Variants in TBC1D28 observed in about 807,000 individuals in gnomAD.
The protein encoded by TBC1D28 is TBC1 domain family, member 28.
TBC1D28 carries 20 observed loss-of-function variants against 29.2 expected under a neutral mutation model. The observed-to-expected ratio is 0.68, with a 90% CI of 0.48 to 0.99. The LOEUF (loss-of-function observed/expected upper bound fraction) is 0.99. Ranked by LOEUF, TBC1D28 falls within the 50% of genes least tolerant of loss-of-function variation. TBC1D28 has a pLI of 0.00. For synonymous variants in TBC1D28, 65 were observed against 90.9 expected (o/e 0.71, Z 1.62); for missense variants, 205 against 243.7 (o/e 0.84, Z 1.06).
chr17:18,636,454 C>A (rs1275121678), exon 9 of TBC1D28: 1 of 1,612,178 alleles, frequency 6.2e-7, no homozygotes, highest in South Asian at 1.1e-5. Context: ...TGGACAAACG[C>A]TGAATTTTCA....
intron 4 of TBC1D28, among the ~76,000 whole-genome samples, chr17:18,640,433 G>A (rs912295271): frequency 1.3e-4 from 20 of 149,512 alleles, no homozygotes; most frequent in Admixed American, 6.6e-4. Context: ...CCATTACCAG[G>A]CCCAGGTCCC....
chr17:18,634,907 C>T (rs1242137556), downstream of TBC1D28: 1 of 162,694 alleles, frequency 6.1e-6, no homozygotes, highest in South Asian at 1.6e-4. Context: ...CGCCTCTGCT[C>T]GCTCACCCGC....
chr17:18,635,870 T>C, exon 9 of TBC1D28: 4 of 992,482 alleles, frequency 4.0e-6, no homozygotes, highest in Non-Finnish European at 4.8e-6. Flanking sequence ...CAAGTGTTTG[T>C]CCCAGGAGAG....
chr17:18,638,936 C>A, intron 5 of TBC1D28: 2 of 793,596 alleles, frequency 2.5e-6, no homozygotes, highest in Non-Finnish European at 4.0e-6. Flanking sequence ...CAGGTCCAGC[C>A]TTCAGCTGGG....
exon 9 of TBC1D28, chr17:18,636,271 A>G: frequency 7.3e-7 from 1 of 1,379,008 alleles, no homozygotes; most frequent in South Asian, 1.9e-5. Context: ...TGTCTCCTAC[A>G]AGGACCATCC....
intron 4 of TBC1D28, 37 bp downstream of exon 5, chr17:18,640,985 A>T (rs1383364847): frequency 1.9e-6 from 1 of 517,346 alleles, no homozygotes; most frequent in Non-Finnish European, 3.3e-6. Context: ...CCCTGAGGTG[A>T]GATTGGTGGC....
At chr17:18,640,338 T>A (rs1273940541) in intron 4 of TBC1D28, among the ~76,000 whole-genome samples, 1 of 144,410 alleles carries the variant, frequency 6.9e-6, no homozygotes, top group Non-Finnish European at 1.5e-5. Context: ...GTGGCAGGTC[T>A]CAGGGGCTCA....
rs923785412 is a variant in TBC1D28, at chr17:18,637,980, G to A, written c.388-7C>T. ...TGCCCTTCTCCTTCATGACCTGTAGGGCGGGGCCAAGAGGAGGAAGCAGCC... is the reference window on the plus strand; with the variant it reads ...TGCCCTTCTCCTTCATGACCTGTAGAGCGGGGCCAAGAGGAGGAAGCAGCC... On this transcript the variant is annotated splice_polypyrimidine_tract_variant and splice_region_variant and intron_variant, in intron 7 of 8. Transcript: ENST00000345096. 1 of 1,349,324 alleles carries A rather than the reference G, an allele frequency of 7.4e-7. No homozygotes were observed. The highest frequency in any genetic ancestry group is 1.0e-6 in the Non-Finnish European group (1 of 972,740). 83.6% of individuals were successfully genotyped at this position (1,349,324 alleles called of 1,614,324 possible). A position where few individuals can be genotyped will look rare whatever the true frequency, so the allele number is the denominator to read the frequency against.
exon 9 of TBC1D28, chr17:18,636,135 G>A: frequency 8.8e-7 from 1 of 1,132,538 alleles, no homozygotes. Flanking sequence ...ATGCTCCTGT[G>A]GGGATCAGGC....
At position 18,638,696 on chromosome 17, in the gene TBC1D28, T is replaced by A. The variant is rs2031628038; in HGVS notation, c.204A>T (p.Arg68Ser). The change falls in exon 6 of 9, where the codon AGA becomes AGT. Residue 68 changes from arginine to serine, a missense_variant. By Grantham distance (110) the Arg-to-Ser change is moderately radical (BLOSUM62 -1). Transcript: ENST00000345096. ...TGTTGGTACGTTTACTTTCCTTGCG[T>A]CTTTGCTGTCAAATGAGCCATGATG... The A allele has an allele frequency of 3.7e-6, 6 of 1,614,062 alleles. No individual in the cohort carries two copies. Among genetic ancestry groups the A allele is most frequent in the Non-Finnish European group, 5.1e-6 (6 of 1,179,898 alleles).
intron 5 of TBC1D28, chr17:18,638,960 C>G (rs1198563596): frequency 2.3e-6 from 2 of 862,440 alleles, no homozygotes; most frequent in Non-Finnish European, 3.5e-6. Context: ...TTGGTTCAAA[C>G]AGGCAGTGGA....
exon 3 of TBC1D28, chr17:18,641,319 C>G (rs749702542): frequency 7.4e-6 from 12 of 1,613,774 alleles, no homozygotes; most frequent in Non-Finnish European, 1.0e-5. Flanking sequence ...TGCCCCTGGG[C>G]AGGCAGGTTA....
chr17:18,638,752 T>C, intron 5 of TBC1D28, 51 bp from the exon 7 acceptor site: 1 of 1,611,280 alleles, frequency 6.2e-7, no homozygotes, highest in South Asian at 1.1e-5. Context: ...CGTCTGACAG[T>C]GGCCCGTGGA....
chr17:18,635,545 T>C (rs1219984512), exon 9 of TBC1D28: 2 of 995,606 alleles, frequency 2.0e-6, no homozygotes, highest in South Asian at 4.0e-5. Flanking sequence ...TATGGAATTA[T>C]TGAAGGAAAG....
rs536587317 is a variant in TBC1D28 at position 18,639,431 on chromosome 17, G to T, written c.159-217C>A. 1.2e-3 allele frequency among the ~76,000 whole-genome samples: 151 copies of T among 129,194 alleles called. 3 individuals are homozygous for T. Among genetic ancestry groups the T allele is most frequent in the Middle Eastern group, 7.2e-3 (2 of 276 alleles). 84.8% of individuals were successfully genotyped at this position (129,194 alleles called of 152,430 possible). A position where few individuals can be genotyped will look rare whatever the true frequency, so the allele number is the denominator to read the frequency against. On this transcript the variant is annotated intron_variant, in intron 4 of 8. Transcript: ENST00000345096. Reference sequence around the variant, plus strand: ...AAGAAGCTCAAAGCTGGCCCTGGGTGGGGGGGACACTTGAAGCCCGTGGGG... The same window carrying T: ...AAGAAGCTCAAAGCTGGCCCTGGGTTGGGGGGACACTTGAAGCCCGTGGGG...
upstream of TBC1D28, among the ~76,000 whole-genome samples, chr17:18,643,359 A>G (rs2031854277): frequency 6.7e-6 from 1 of 150,346 alleles, no homozygotes; most frequent in Non-Finnish European, 1.5e-5. Flanking sequence ...TCTGCTATGG[A>G]CGGAGGCAAG....
At chr17:18,636,320 C>T in exon 9 of TBC1D28, 1 of 1,464,742 alleles carries the variant, frequency 6.8e-7, no homozygotes, top group Non-Finnish European at 9.0e-7. Flanking sequence ...TTTGGGGCAA[C>T]ACCAGGAGGG....
At chr17:18,642,994 A>G (rs2031836934), upstream of TBC1D28, 1 of 152,314 alleles carries the variant, frequency 6.6e-6, no homozygotes, top group Non-Finnish European at 1.5e-5. Flanking sequence ...GCAGGTGAGC[A>G]TGTATGTTTA....
At chr17:18,636,732 C>T in intron 8 of TBC1D28, 135 bp from the exon 10 acceptor site, 3 of 1,087,278 alleles carry the variant, frequency 2.8e-6, no homozygotes, top group Non-Finnish European at 3.9e-6. Flanking sequence ...CTCTTTAGGA[C>T]ACCTGAGTTT....
Sources: allele counts gnomAD v4.1 joint callset (sites outside exome capture counted in the v4.1 genomes callset), GRCh38; gene constraint gnomAD v4.1.1; transcripts MANE v1.5; gene names NCBI Gene and HGNC (gene_info 2026-07-23, HGNC 2026-07-21).